The following CADPS variants were observed in gnomAD, a reference collection of about 807,000 sequenced individuals.
CADPS encodes the protein calcium-dependent secretion activator 1.
Under a neutral mutation model 167.3 loss-of-function variants are expected in CADPS, and 57 were observed. The ratio of observed to expected loss-of-function variants is 0.34; its 90% CI spans 0.28 to 0.42. The LOEUF is 0.42. CADPS is among the 20% of genes least tolerant of loss of function. CADPS has a pLI of 1.00. For missense variants in CADPS, 1,414 were observed against 1,738.1 expected, an observed-to-expected ratio of 0.81 and a Z score of 3.32; for synonymous variants, 676 against 635.3, an observed-to-expected ratio of 1.06 and a Z score of -0.96.
In CADPS at chr3:62,753,044, A is replaced by C. The variant is rs2083044923; in HGVS notation, c.888+397T>G. ...AAATTATTCTTGACAGGCAGGTGCT[A>C]AGTTCAGTAGTCTTCCCAGCTGAGG... On this transcript the variant is annotated intron_variant, in intron 3 of 29. Coordinates refer to ENST00000383710, the MANE Select transcript of CADPS (RefSeq NM_003716.4). The surrounding 1 kb of genome is among the most constrained non-coding windows in gnomAD (Gnocchi z 4.6). Among the ~76,000 whole-genome samples, 1 of 152,194 alleles carries C rather than the reference A, an allele frequency of 6.6e-6. No individual in the cohort carries two copies. The highest frequency in any genetic ancestry group is 2.4e-5 in the African/African-American group (1 of 41,458).
At chr3:62,671,435 G>A (rs1192668861) in intron 3 of CADPS, among the ~76,000 whole-genome samples, 1 of 152,064 alleles carries the variant, frequency 6.6e-6, no homozygotes, top group Non-Finnish European at 1.5e-5. Context: ...CAAAACCAAG[G>A]GTATAGAGGA....
intron 27 of CADPS, 22 bp downstream of exon 27, chr3:62,445,733 AACCCCATGAG>A (rs1416700610): frequency 2.1e-6 from 3 of 1,439,688 alleles, no homozygotes; most frequent in South Asian, 1.4e-5. Flanking sequence ...AAAACAAAAA[AACCCCATGAG>A]AAACAATTTT....
Position 62,874,198 on chromosome 3 carries a change from G to T in CADPS, c.441+391C>A, listed in dbSNP as rs1192253842. On this transcript the variant is annotated intron_variant, in intron 1 of 29. Transcript: ENST00000383710. The surrounding 1 kb of genome is among the most constrained non-coding windows in gnomAD (Gnocchi z 7.1). ...GGCGGGCCCGGAGTTGAGCGCAGCC[G>T]CCCGCCGCTGGAGAGCGCTGGGAGC... Among the ~76,000 whole-genome samples, 2 of 151,954 alleles carry T rather than the reference G, an allele frequency of 1.3e-5. No individual in the cohort carries two copies. The highest frequency in any genetic ancestry group is 2.9e-5 in the Non-Finnish European group (2 of 67,942).
intron 16 of CADPS, among the ~76,000 whole-genome samples, chr3:62,515,202 G>A (rs2068696591): frequency 1.3e-5 from 2 of 152,088 alleles, no homozygotes; most frequent in Non-Finnish European, 2.9e-5. Flanking sequence ...CAGGTGTCAT[G>A]TTTCACGTGT....
At chr3:62,702,213 T>C (rs1169448529) in intron 3 of CADPS, among the ~76,000 whole-genome samples, 1 of 152,160 alleles carries the variant, frequency 6.6e-6, no homozygotes, top group Non-Finnish European at 1.5e-5. Flanking sequence ...CAAATAAACT[T>C]CTAAATAAAT....
At chr3:62,530,840 C>A in intron 13 of CADPS, 4 of 1,210,298 alleles carry the variant, frequency 3.3e-6, no homozygotes, top group Non-Finnish European at 3.2e-6. Context: ...TCGCATGAGG[C>A]ATGCACAGAG....
intron 9 of CADPS, among the ~76,000 whole-genome samples, chr3:62,565,521 C>G (rs2079994164): frequency 6.6e-6 from 1 of 152,128 alleles, no homozygotes. Context: ...GGGCCCCACC[C>G]CAGACTTACT....
Position 62,458,842 on chromosome 3 carries a change from T to C in CADPS, c.3636+6525A>G, listed in dbSNP as rs930665887. Among the ~76,000 whole-genome samples, 2 of 152,230 alleles carry C rather than the reference T, an allele frequency of 1.3e-5. No homozygotes were observed. The highest frequency in any genetic ancestry group is 4.8e-5 in the African/African-American group (2 of 41,452). On this transcript the variant is annotated intron_variant, in intron 26 of 29. Coordinates refer to ENST00000383710, the MANE Select transcript of CADPS (RefSeq NM_003716.4). The surrounding 1 kb of genome is among the most constrained non-coding windows in gnomAD (Gnocchi z 4.6). Reference sequence around the variant, plus strand: ...CTTAGACCACACAGTCTGGAGAAAATACTGTGTGTGTCTTATGTTTGCTTT... The same window carrying C: ...CTTAGACCACACAGTCTGGAGAAAACACTGTGTGTGTCTTATGTTTGCTTT...
At chr3:62,409,048 G>A (rs967888449) in intron 28 of CADPS, among the ~76,000 whole-genome samples, 6 of 152,198 alleles carry the variant, frequency 3.9e-5, no homozygotes, top group African/African-American at 7.2e-5. Context: ...GGCACTACAC[G>A]AAATATACTA....
intron 23 of CADPS, among the ~76,000 whole-genome samples, chr3:62,475,231 T>C (rs750304601): frequency 9.9e-5 from 15 of 152,108 alleles, no homozygotes; most frequent in Non-Finnish European, 1.9e-4. Flanking sequence ...AGGTGGGAGA[T>C]CTTATCCTTG....
At position 62,474,224 on chromosome 3, in the gene CADPS, A is replaced by G; in HGVS notation, c.3426T>C (p.Val1142=). ...QSICTMFNVM[V]DAKAQSTKLC... ...GTTTTGTTGATTGAGCTTTGGCATC[A>G]ACCATAACATTAAACATGGTGCATA... The change falls in exon 24 of 30, where the codon GTT becomes GTC. Residue 1142 remains valine (V), a synonymous_variant. Coordinates refer to ENST00000383710, the MANE Select transcript of CADPS (RefSeq NM_003716.4). 6.6e-7 allele frequency: 1 copy of G among 1,515,438 alleles called. No individual in the cohort carries two copies. Among genetic ancestry groups the G allele is most frequent in the Non-Finnish European group, 8.9e-7 (1 of 1,129,720 alleles). The allele number at this position is 1,515,438 out of a possible 1,614,324, so 93.9% of individuals were successfully genotyped here.
chr3:62,841,460 A>C (rs2076636576), intron 1 of CADPS, among the ~76,000 whole-genome samples: 1 of 152,226 alleles, frequency 6.6e-6, no homozygotes, highest in Non-Finnish European at 1.5e-5. Context: ...TCATGCCTGT[A>C]ATCCCAGCAC....
At chr3:62,549,802 T>C in intron 11 of CADPS, 101 bp downstream of exon 11, 4 of 888,146 alleles carry the variant, frequency 4.5e-6, no homozygotes, top group Non-Finnish European at 5.2e-6. Flanking sequence ...AACATGATTT[T>C]ATAAATTTTA....
chr3:62,400,164 G>A (rs1705374034), intron 29 of CADPS, among the ~76,000 whole-genome samples: 1 of 152,164 alleles, frequency 6.6e-6, no homozygotes, highest in Non-Finnish European at 1.5e-5. Flanking sequence ...TCAATATGTT[G>A]CAGACATGTG....
In CADPS at chr3:62,687,328, C is replaced by T. The variant is rs148506409; in HGVS notation, c.889-24934G>A. ...TCATAGGTTTGTAAGTTCACGATGA[C>T]CACCTCAGGGAATTTGTGAAACAGT... On this transcript the variant is annotated intron_variant, in intron 3 of 29. Coordinates refer to ENST00000383710, the MANE Select transcript of CADPS (RefSeq NM_003716.4). 3.7e-3 allele frequency among the ~76,000 whole-genome samples: 561 copies of T among 152,172 alleles called. 7 individuals carry two copies. Among genetic ancestry groups the T allele is most frequent in the African/African-American group, 0.012 (509 of 41,508 alleles).
At chr3:62,656,988 TTTTG>T (rs1449397944) in intron 4 of CADPS, among the ~76,000 whole-genome samples, 3 of 152,146 alleles carry the variant, frequency 2.0e-5, no homozygotes, top group Non-Finnish European at 4.4e-5. Context: ...TGCACACACA[TTTTG>T]TTTAACTGTT....
intron 3 of CADPS, among the ~76,000 whole-genome samples, chr3:62,697,204 A>G (rs572930408): frequency 2.0e-5 from 3 of 152,048 alleles, no homozygotes; most frequent in Admixed American, 1.3e-4. Flanking sequence ...ATTTTGGTGT[A>G]CCCTTCAGCC....
intron 28 of CADPS, among the ~76,000 whole-genome samples, chr3:62,422,043 G>A (rs113981419): frequency 1.1e-3 from 162 of 152,258 alleles, no homozygotes; most frequent in Non-Finnish European, 2.0e-3. Flanking sequence ...GCATCTTGTC[G>A]TTAGCGAGTT....
intron 1 of CADPS, among the ~76,000 whole-genome samples, chr3:62,869,761 G>A (rs929925873): frequency 6.6e-6 from 1 of 152,118 alleles, no homozygotes; most frequent in East Asian, 1.9e-4. Context: ...TGAGCGCTTG[G>A]TGCAATGAGT....
Sources: allele counts gnomAD v4.1 joint callset (sites outside exome capture counted in the v4.1 genomes callset), GRCh38; gene constraint gnomAD v4.1.1; non-coding constraint Gnocchi (gnomAD v3.1); transcripts MANE v1.5; gene names NCBI Gene and HGNC (gene_info 2026-07-23, HGNC 2026-07-21).